NEGR1: variants seen among roughly 807,000 people sequenced by gnomAD.
NEGR1 encodes the protein neuronal growth regulator 1.
A neutral mutation model predicts 40.9 loss-of-function variants in NEGR1; 10 were observed. That is an observed-to-expected ratio of 0.24 (90% CI 0.15 to 0.42). The LOEUF is 0.42. NEGR1 is among the 10% of genes least tolerant of loss of function. The pLI is 1.00. For synonymous variants in NEGR1, 185 were observed against 166.8 expected, an observed-to-expected ratio of 1.11 and a Z score of -0.84; for missense variants, 352 against 438.9, an observed-to-expected ratio of 0.80 and a Z score of 1.77.
chr1:71,407,472 A>G lies in NEGR1; in HGVS notation c.1039T>C (p.Tyr347His). The change falls in exon 7 of 7, where the codon TAC becomes CAC. Residue 347 changes from tyrosine to histidine, a missense_variant. Around this residue, in one of 5 missense-constraint regions of NEGR1, gnomAD observed 184 missense variants for 208.7 expected, o/e 0.88. Coordinates refer to ENST00000357731, the MANE Select transcript of NEGR1 (RefSeq NM_173808.3). Reference protein sequence around the residue: ...LTLSSFTSIFYLKNAILQ With the variant: ...LTLSSFTSIFHLKNAILQ The stretch of plus-strand genomic sequence containing the variant: ...TATTGTAGAATGGCATTCTTCAGGT[A>G]GAATATGCTGGTGAAAGAGGACAGT... The G allele has an allele frequency of 1.2e-6, 2 of 1,612,332 alleles. No homozygotes were observed. The highest frequency in any genetic ancestry group is 1.7e-6 in the Non-Finnish European group (2 of 1,178,638).
chr1:71,478,282 A>G (rs1646834536), intron 6 of NEGR1, among the ~76,000 whole-genome samples: 1 of 152,012 alleles, frequency 6.6e-6, no homozygotes, highest in Non-Finnish European at 1.5e-5. Flanking sequence ...AAAATCCCCA[A>G]TAGCAAGTGC....
chr1:71,693,281 G>A (rs1653355432), intron 4 of NEGR1, among the ~76,000 whole-genome samples: 1 of 151,388 alleles, frequency 6.6e-6, no homozygotes, highest in African/African-American at 2.4e-5. Flanking sequence ...TTTCCTGGGA[G>A]AAAAAAAATT....
chr1:71,902,405 C>A (rs1661166309), intron 2 of NEGR1, among the ~76,000 whole-genome samples: 1 of 152,188 alleles, frequency 6.6e-6, no homozygotes, highest in African/African-American at 2.4e-5. Context: ...ATAAAGATTA[C>A]TTCTTGAATG....
intron 1 of NEGR1, among the ~76,000 whole-genome samples, chr1:72,199,204 GGGGGCTGCATAACATGTATACTGTAAA>G (rs1449625330): frequency 6.7e-6 from 1 of 149,648 alleles, no homozygotes; most frequent in Non-Finnish European, 1.5e-5. Context: ...TATGTATCTT[GGGGGCTGCATAACATGTATACTGTAAA>G]GGGGCTGCAT....
At chr1:71,731,414 T>G (rs921603871) in intron 3 of NEGR1, among the ~76,000 whole-genome samples, 31 of 152,188 alleles carry the variant, frequency 2.0e-4, no homozygotes, top group African/African-American at 7.0e-4. Flanking sequence ...GTATTCACCC[T>G]GGTGTCTGAA....
intron 6 of NEGR1, among the ~76,000 whole-genome samples, chr1:71,520,565 T>C (rs142884778): frequency 6.6e-6 from 1 of 152,102 alleles, no homozygotes; most frequent in Admixed American, 6.6e-5. Context: ...ATGAATTAGT[T>C]ACAAATTAAC....
chr1:71,728,025 A>T lies in NEGR1; in HGVS notation c.536-29886T>A, dbSNP rs896880723. Among the ~76,000 whole-genome samples the T allele has an allele frequency of 3.3e-5, 5 of 152,288 alleles. No individual in the cohort carries two copies. In the South Asian group the frequency reaches 1.0e-3, roughly 32 times the overall value. ...AAGCAAGAAGTCATAAGCCTGGACCATTCAATACGGGACAGGTATATGAAA... is the reference window on the plus strand; with the variant it reads ...AAGCAAGAAGTCATAAGCCTGGACCTTTCAATACGGGACAGGTATATGAAA... On this transcript the variant is annotated intron_variant, in intron 3 of 6. Transcript: ENST00000357731.
At chr1:71,806,127 C>T (rs1657761831) in intron 2 of NEGR1, among the ~76,000 whole-genome samples, 1 of 151,944 alleles carries the variant, frequency 6.6e-6, no homozygotes, top group Non-Finnish European at 1.5e-5. Flanking sequence ...ATAAACAAAA[C>T]CTTTGCTTTT....
At chr1:71,780,079 A>C (rs1359263551) in intron 2 of NEGR1, among the ~76,000 whole-genome samples, 1 of 141,346 alleles carries the variant, frequency 7.1e-6, no homozygotes, top group Non-Finnish European at 1.6e-5. Flanking sequence ...AAAGAAAAAA[A>C]ATAGAGGAGA....
intron 3 of NEGR1, among the ~76,000 whole-genome samples, chr1:71,705,982 A>G (rs1323290162): frequency 6.6e-6 from 1 of 152,058 alleles, no homozygotes; most frequent in Non-Finnish European, 1.5e-5. Flanking sequence ...AACTATCTAC[A>G]CAGAAGAAAA....
chr1:71,896,519 C>T (rs1412488257), intron 2 of NEGR1, among the ~76,000 whole-genome samples: 1 of 152,062 alleles, frequency 6.6e-6, no homozygotes, highest in Non-Finnish European at 1.5e-5. Flanking sequence ...TTAAGTGGAT[C>T]CTTTGAAATA....
intron 1 of NEGR1, among the ~76,000 whole-genome samples, chr1:72,153,258 T>G (rs145615436): frequency 1.8e-4 from 28 of 152,098 alleles, no homozygotes; most frequent in African/African-American, 6.7e-4. Context: ...TGCCCACAGA[T>G]GGCTTCTTGA....
intron 4 of NEGR1, among the ~76,000 whole-genome samples, chr1:71,677,809 G>A (rs899420209): frequency 1.3e-5 from 2 of 152,082 alleles, no homozygotes; most frequent in East Asian, 1.9e-4. Context: ...GTCTAGCTTC[G>A]TATGACATTA....
intron 1 of NEGR1, among the ~76,000 whole-genome samples, chr1:71,988,969 A>G (rs1312618277): frequency 1.3e-5 from 2 of 149,104 alleles, no homozygotes; most frequent in African/African-American, 5.0e-5. Flanking sequence ...GTTCTGAAGT[A>G]GACTTAGGGA....
At chr1:71,862,289 AC>A (rs1229137126) in intron 2 of NEGR1, among the ~76,000 whole-genome samples, 2 of 152,024 alleles carry the variant, frequency 1.3e-5, no homozygotes, top group African/African-American at 2.4e-5. Flanking sequence ...AGGTTTTCTG[AC>A]CCCATAGCTG....
At chr1:72,232,217 C>T (rs982156747) in intron 1 of NEGR1, among the ~76,000 whole-genome samples, 2 of 151,752 alleles carry the variant, frequency 1.3e-5, no homozygotes, top group African/African-American at 2.4e-5. Flanking sequence ...ATTATCTGGG[C>T]GTGGTGGTGC....
rs991840649 is a variant in NEGR1, at chr1:72,133,320, T to A, written c.176+148999A>T. ...CTAAATTTACTTTGTACATGCAGAA[T>A]ATATTTTTAACACACTACTGCCCAT... On this transcript the variant is annotated intron_variant, in intron 1 of 6. Coordinates refer to ENST00000357731, the MANE Select transcript of NEGR1 (RefSeq NM_173808.3). 4.6e-5 allele frequency among the ~76,000 whole-genome samples: 7 copies of A among 152,146 alleles called. No individual in the cohort carries two copies. The South Asian group carries it at 1.2e-3, about 27-fold the overall frequency.
chr1:71,974,093 T>C (rs6667747), intron 1 of NEGR1, among the ~76,000 whole-genome samples: 18,833 of 152,156 alleles, frequency 0.12, 1,622 homozygotes, highest in East Asian at 0.43. Context: ...CTTGTGCTTT[T>C]TATCTTCTCA....
chr1:72,012,773 A>G (rs1450037028), intron 1 of NEGR1, among the ~76,000 whole-genome samples: 2 of 150,420 alleles, frequency 1.3e-5, no homozygotes, highest in East Asian at 3.9e-4. Flanking sequence ...GATCTCATTG[A>G]TATTTTGTTA....
Sources: gnomAD v4.1 joint callset for allele counts (sites outside exome capture counted in the v4.1 genomes callset) on GRCh38, gnomAD v4.1.1 for gene constraint, gnomAD v4.1.1 regional missense constraint, MANE v1.5 for transcripts, NCBI Gene and HGNC (gene_info 2026-07-23, HGNC 2026-07-21) for gene names.